Variants in LIMS1 observed in about 807,000 individuals in gnomAD.
LIMS1 encodes the protein LIM zinc finger domain containing 1.
A neutral mutation model predicts 44.1 loss-of-function variants in LIMS1; 18 were observed. That is an observed-to-expected ratio of 0.41 (90% CI 0.28 to 0.61). The LOEUF (loss-of-function observed/expected upper bound fraction) is 0.61. LIMS1 is among the 20% of genes least tolerant of loss of function. The probability of loss-of-function intolerance (pLI) is 0.32; values close to 1 mark genes in which losing one functional copy is unlikely to be tolerated. For missense variants in LIMS1, 201 were observed against 422.0 expected, an observed-to-expected ratio of 0.48 and a Z score of 4.59; for synonymous variants, 93 against 149.1, an observed-to-expected ratio of 0.62 and a Z score of 2.74.
At chr2:108,540,468 G>C (rs1377448509) in intron 1 of LIMS1, among the ~76,000 whole-genome samples, 1 of 152,104 alleles carries the variant, frequency 6.6e-6, no homozygotes, top group African/African-American at 2.4e-5. Flanking sequence ...AAAGTGCTGG[G>C]ATTACAGACT....
intron 1 of LIMS1, among the ~76,000 whole-genome samples, chr2:108,561,471 A>G (rs1685108166): frequency 6.6e-6 from 1 of 151,838 alleles, no homozygotes; most frequent in African/African-American, 2.4e-5. Flanking sequence ...AATGCAGTGT[A>G]TGTGTGTGTG....
intron 1 of LIMS1, among the ~76,000 whole-genome samples, chr2:108,619,051 AC>A (rs1688091812): frequency 6.6e-6 from 1 of 152,026 alleles, no homozygotes; most frequent in African/African-American, 2.4e-5. Context: ...GCCCCGTCTA[AC>A]CCCCTGCACA....
chr2:108,656,401 C>CT (rs1558831302), intron 1 of LIMS1, among the ~76,000 whole-genome samples: 1 of 151,942 alleles, frequency 6.6e-6, no homozygotes, highest in Non-Finnish European at 1.5e-5. Flanking sequence ...TACTGAAAAT[C>CT]TTTTTCTGAA....
rs35982119 is a variant in LIMS1, at chr2:108,680,365, C to CAA, written c.824-309_824-308dup. ...CTGGCAACAGAGCGAGATTCCGTCT[C>CAA]AAAAAAAAAAAAAAAAAAAAAATTA... On this transcript the variant is annotated intron_variant, in intron 8 of 9. Coordinates refer to ENST00000544547, the Ensembl canonical transcript of LIMS1. Among the ~76,000 whole-genome samples the CAA allele has an allele frequency of 4.6e-3, 312 of 67,950 alleles. 3 individuals carry two copies. The highest frequency in any genetic ancestry group is 5.3e-3 in the African/African-American group (91 of 17,050). 44.6% of individuals were successfully genotyped at this position (67,950 alleles called of 152,430 possible).
At chr2:108,649,043 G>C (rs1690273440) in intron 1 of LIMS1, among the ~76,000 whole-genome samples, 1 of 152,144 alleles carries the variant, frequency 6.6e-6, no homozygotes, top group African/African-American at 2.4e-5. Flanking sequence ...AGAGTGAACA[G>C]ACAACCTACA....
At chr2:108,577,626 T>C (rs532622681) in intron 1 of LIMS1, among the ~76,000 whole-genome samples, 3 of 152,384 alleles carry the variant, frequency 2.0e-5, no homozygotes, top group South Asian at 2.1e-4. Flanking sequence ...AGTTAATTTT[T>C]ACAATAACTA....
At chr2:108,596,872 T>C (rs543540328) in intron 1 of LIMS1, among the ~76,000 whole-genome samples, 6 of 150,476 alleles carry the variant, frequency 4.0e-5, no homozygotes, top group African/African-American at 1.2e-4. Context: ...AATAGGAACT[T>C]GAAGTACTTG....
At chr2:108,681,406 C>T (rs1424791298) in intron 9 of LIMS1, 1 of 977,442 alleles carries the variant, frequency 1.0e-6, no homozygotes, top group Non-Finnish European at 1.2e-6. Flanking sequence ...TTTTTAAACA[C>T]CATATAGTAT....
At chr2:108,642,053 A>G (rs1421995167) in intron 1 of LIMS1, among the ~76,000 whole-genome samples, 2 of 152,182 alleles carry the variant, frequency 1.3e-5, no homozygotes, top group Non-Finnish European at 2.9e-5. Context: ...CCAACAGTTC[A>G]AATACCCCAT....
chr2:108,543,332 C>CA (rs1424276678), intron 1 of LIMS1, among the ~76,000 whole-genome samples: 11 of 152,136 alleles, frequency 7.2e-5, no homozygotes, highest in African/African-American at 2.7e-4. Context: ...GGCTAGGTCT[C>CA]ACTAATGCAG....
chr2:108,612,136 G>C lies in LIMS1; in HGVS notation c.33-47469G>C, dbSNP rs534966878. ...GGGGTTCTTGAGATCAGGATTGGAG[G>C]ATTAAAACTTCAGGCCTTTCTTTTA... On this transcript the variant is annotated intron_variant, in intron 1 of 9. Coordinates refer to ENST00000544547, the Ensembl canonical transcript of LIMS1. 2.0e-5 allele frequency among the ~76,000 whole-genome samples: 3 copies of C among 150,860 alleles called. No individual in the cohort carries two copies. The East Asian group carries it at 5.8e-4, about 29-fold the overall frequency.
chr2:108,588,694 T>G (rs1686222719), intron 1 of LIMS1: 1 of 772,290 alleles, frequency 1.3e-6, no homozygotes. Flanking sequence ...AAGAAGCAAA[T>G]CTAAAGGATA....
chr2:108,607,339 T>TA, intron 1 of LIMS1: 1 of 1,292,232 alleles, frequency 7.7e-7, no homozygotes, highest in Middle Eastern at 1.8e-4. Context: ...AGTTGTCTGG[T>TA]ATCTTCATCA....
chr2:108,591,840 G>C (rs1558800230), intron 1 of LIMS1, among the ~76,000 whole-genome samples: 1 of 149,548 alleles, frequency 6.7e-6, no homozygotes, highest in African/African-American at 2.5e-5. Flanking sequence ...TGTCATCCAG[G>C]CTGGAGTGCA....
chr2:108,578,587 A>AT (rs575139291), intron 1 of LIMS1, among the ~76,000 whole-genome samples: 31,949 of 101,100 alleles, frequency 0.32, 4,117 homozygotes, highest in East Asian at 0.73. Context: ...AATGTAAATA[A>AT]TTTTTTTTTT....
intron 1 of LIMS1, among the ~76,000 whole-genome samples, chr2:108,636,604 G>A (rs1397859139): frequency 1.3e-5 from 2 of 152,344 alleles, no homozygotes; most frequent in African/African-American, 4.8e-5. Flanking sequence ...CCAGCACCTA[G>A]CAATATCCCA....
At chr2:108,604,767 G>A (rs1051833488) in intron 1 of LIMS1, among the ~76,000 whole-genome samples, 1 of 152,180 alleles carries the variant, frequency 6.6e-6, no homozygotes, top group Non-Finnish European at 1.5e-5. Context: ...CAGGGGACCA[G>A]CAGGAGTAGA....
intron 1 of LIMS1, among the ~76,000 whole-genome samples, chr2:108,656,233 T>G (rs1252655621): frequency 6.6e-6 from 1 of 151,016 alleles, no homozygotes; most frequent in Non-Finnish European, 1.5e-5. Context: ...TCAGTTGTGC[T>G]GTGTGAGGTT....
At chr2:108,684,866 A>G (rs1302959835) in exon 10 of LIMS1, 2 of 152,152 alleles carry the variant, frequency 1.3e-5, no homozygotes, top group Admixed American at 6.5e-5. Context: ...CTGAATGTGT[A>G]TGTCGGTCAT....
Sources: gnomAD v4.1 joint callset for allele counts (sites outside exome capture counted in the v4.1 genomes callset) on GRCh38, gnomAD v4.1.1 for gene constraint, MANE v1.5 for transcripts, NCBI Gene and HGNC (gene_info 2026-07-23, HGNC 2026-07-21) for gene names.